Variants in FCHO2 observed in about 807,000 individuals in gnomAD.
FCHO2 encodes FCH and mu domain containing endocytic adaptor 2, also known as F-BAR domain only protein 2.
In FCHO2, 43 loss-of-function variants were observed where a neutral mutation model predicts 114.1. The ratio of observed to expected loss-of-function variants is 0.38; its 90% CI spans 0.30 to 0.49. The LOEUF is 0.49. Among genes scored for constraint, FCHO2 ranks in the 20% least tolerant of loss-of-function variants. The pLI is 0.97. For missense variants in FCHO2, 807 were observed against 950.4 expected, an observed-to-expected ratio of 0.85 and a Z score of 1.98; for synonymous variants, 293 against 315.2, an observed-to-expected ratio of 0.93 and a Z score of 0.75.
intron 8 of FCHO2, among the ~76,000 whole-genome samples, chr5:73,027,433 A>C (rs1157005211): frequency 2.6e-5 from 4 of 151,784 alleles, no homozygotes; most frequent in African/African-American, 7.2e-5. Context: ...CAGTTTACCA[A>C]ATTTTGGTTT....
intron 11 of FCHO2, among the ~76,000 whole-genome samples, chr5:73,044,007 C>G (rs867805917): frequency 2.0e-5 from 3 of 152,144 alleles, no homozygotes; most frequent in Non-Finnish European, 4.4e-5. Flanking sequence ...AGATCTCCCC[C>G]TCGCTGTTCT....
rs181771687 is a variant in FCHO2 at position 73,090,088 on chromosome 5, T to C, written c.*1998T>C. 8 of 152,740 alleles carry C rather than the reference T, an allele frequency of 5.2e-5. No homozygotes were observed. In the East Asian group the frequency reaches 1.3e-3, roughly 26 times the overall value. 9.5% of individuals were successfully genotyped at this position (152,740 alleles called of 1,614,324 possible). On this transcript the variant is annotated 3_prime_UTR_variant, in exon 26 of 26. Transcript: ENST00000430046. ...CTTACCGTGTTTGTTTTTAATCAAATATTACCTAAAAATGTACAAATTAGT... is the reference window on the plus strand; with the variant it reads ...CTTACCGTGTTTGTTTTTAATCAAACATTACCTAAAAATGTACAAATTAGT...
chr5:72,990,789 G>A lies in FCHO2; in HGVS notation c.420G>A (p.Lys140=), dbSNP rs1369099512. 6.4e-7 allele frequency: 1 copy of A among 1,553,494 alleles called. No individual in the cohort carries two copies. Among genetic ancestry groups the A allele is most frequent in the South Asian group, 1.2e-5 (1 of 84,108 alleles). ...TAACTCAGGCCCTCCAGAAATCCAA[G>A]GAAAATTACAATGCCAAGTGTGTAG... ...QSITQALQKS[K]ENYNAKCVEQ... Residue 140 remains lysine (K), a synonymous_variant, in exon 5 of 26, where the codon AAG becomes AAA. Coordinates refer to ENST00000430046, the MANE Select transcript of FCHO2 (RefSeq NM_138782.3).
At chr5:72,990,291 TTAAA>T (rs763379810) in intron 3 of FCHO2, among the ~76,000 whole-genome samples, 183 bp from the exon 4 acceptor site, 1 of 152,100 alleles carries the variant, frequency 6.6e-6, no homozygotes, top group Non-Finnish European at 1.5e-5. Flanking sequence ...CAAAAATATT[TTAAA>T]TAACCAATGA....
chr5:73,021,132 G>A (rs1185751333), intron 8 of FCHO2: 1 of 781,448 alleles, frequency 1.3e-6, no homozygotes, highest in Non-Finnish European at 2.4e-6. Context: ...GAATCCTCAG[G>A]AAATCTTCAT....
At chr5:72,974,356 C>CT (rs1752741719) in intron 2 of FCHO2, among the ~76,000 whole-genome samples, 1 of 142,974 alleles carries the variant, frequency 7.0e-6, no homozygotes, top group African/African-American at 2.6e-5. Flanking sequence ...TTGTAGGTCA[C>CT]TCAGGACTTG....
chr5:73,080,753 A>G (rs114996115), intron 22 of FCHO2, among the ~76,000 whole-genome samples: 39 of 152,282 alleles, frequency 2.6e-4, no homozygotes, highest in African/African-American at 8.9e-4. Context: ...CATTTATTCA[A>G]CAGATGTGTA....
chr5:72,983,848 A>G (rs1753364148), intron 2 of FCHO2, among the ~76,000 whole-genome samples: 1 of 151,740 alleles, frequency 6.6e-6, no homozygotes, highest in African/African-American at 2.4e-5. Context: ...AGTTTTGCAC[A>G]TATGTCCTGG....
chr5:73,028,681 C>T (rs1205758939), intron 8 of FCHO2, among the ~76,000 whole-genome samples: 7 of 132,264 alleles, frequency 5.3e-5, no homozygotes, highest in Non-Finnish European at 7.7e-5. Flanking sequence ...ACAAGAGTCT[C>T]GCTCTGTCAC....
chr5:73,001,781 GA>G (rs1417220221), intron 5 of FCHO2, among the ~76,000 whole-genome samples: 2 of 151,076 alleles, frequency 1.3e-5, no homozygotes, highest in South Asian at 2.1e-4. Flanking sequence ...TACAAAAAAA[GA>G]AAAAAAATTA....
At chr5:73,083,734 A>G (rs939364242) in intron 24 of FCHO2, among the ~76,000 whole-genome samples, 1 of 152,166 alleles carries the variant, frequency 6.6e-6, no homozygotes, top group African/African-American at 2.4e-5. Context: ...TGTTTTAAAA[A>G]TACAAAAATT....
At chr5:73,073,416 C>T (rs1165419201) in intron 19 of FCHO2, among the ~76,000 whole-genome samples, 1 of 152,078 alleles carries the variant, frequency 6.6e-6, no homozygotes. Flanking sequence ...TCACTCCAGC[C>T]TCTCCCTCAC....
intron 6 of FCHO2, among the ~76,000 whole-genome samples, chr5:73,014,694 T>C (rs1755207849): frequency 6.6e-6 from 1 of 152,206 alleles, no homozygotes; most frequent in African/African-American, 2.4e-5. Flanking sequence ...TGATTGTTTT[T>C]CAGTTTTTAA....
intron 2 of FCHO2, among the ~76,000 whole-genome samples, chr5:72,982,898 G>T: frequency 8.8e-6 from 1 of 113,096 alleles, no homozygotes. Flanking sequence ...TACTATCTTT[G>T]TTCCATCGTA....
In FCHO2 at chr5:72,968,550, A is replaced by G; in HGVS notation, c.86A>G (p.Gln29Arg). The G allele has an allele frequency of 2.6e-6, 4 of 1,545,112 alleles. No individual in the cohort carries two copies. The highest frequency in any genetic ancestry group is 3.5e-6 in the Non-Finnish European group (4 of 1,154,086). Reference sequence around the variant, plus strand: ...CTCTACCATAATATGAAACATGGACAGATATCAACAAAAGAACTAGCAGAT... The same window carrying G: ...CTCTACCATAATATGAAACATGGACGGATATCAACAAAAGAACTAGCAGAT... ...DVLYHNMKHG[Q>R]ISTKELADFV... The change falls in exon 2 of 26, where the codon CAG becomes CGG. Residue 29 changes from glutamine (Q) to arginine (R), a missense_variant. Transcript: ENST00000430046.
chr5:73,086,073 G>A (rs1445167915), intron 24 of FCHO2, among the ~76,000 whole-genome samples: 2 of 151,502 alleles, frequency 1.3e-5, no homozygotes, highest in Non-Finnish European at 2.9e-5. Context: ...AGTGAGCCAA[G>A]ATCGTGCCAC....
intron 16 of FCHO2, 86 bp downstream of exon 16, chr5:73,056,193 A>T: frequency 8.6e-6 from 9 of 1,046,072 alleles, no homozygotes; most frequent in Non-Finnish European, 1.2e-5. Flanking sequence ...AATGGAAAGC[A>T]CAGAGATTTC....
chr5:73,042,231 T>C (rs1454382655), intron 11 of FCHO2, among the ~76,000 whole-genome samples: 1 of 152,142 alleles, frequency 6.6e-6, no homozygotes, highest in Non-Finnish European at 1.5e-5. Flanking sequence ...AAACCATCAG[T>C]GTATTTTTGG....
intron 8 of FCHO2, chr5:73,034,373 C>G (rs1756387371): frequency 3.7e-6 from 1 of 271,696 alleles, no homozygotes; most frequent in Non-Finnish European, 6.9e-6. Flanking sequence ...ACTGCATATT[C>G]TTGTGTCTCT....
Sources: allele counts gnomAD v4.1 joint callset (sites outside exome capture counted in the v4.1 genomes callset), GRCh38; gene constraint gnomAD v4.1.1; transcripts MANE v1.5; gene names NCBI Gene and HGNC (gene_info 2026-07-23, HGNC 2026-07-21).